SCGB2B2: variants seen among roughly 807,000 people sequenced by gnomAD.
SCGB2B2 encodes the protein secretoglobin-like protein.
A neutral mutation model predicts 7.6 loss-of-function variants in SCGB2B2; 11 were observed. The ratio of observed to expected loss-of-function variants is 1.45; its 90% CI spans 0.91 to 2.40. The LOEUF is 2.40. SCGB2B2 is among the 30% of genes most tolerant of loss of function. The pLI, the probability that SCGB2B2 is intolerant of heterozygous loss-of-function variation, is 0.00. For synonymous variants in SCGB2B2, 50 were observed against 48.6 expected, an observed-to-expected ratio of 1.03 and a Z score of -0.12; for missense variants, 104 against 115.4, an observed-to-expected ratio of 0.90 and a Z score of 0.45.
At chr19:34,636,212 C>T (rs544230224) in intron 1 of SCGB2B2, among the ~76,000 whole-genome samples, 1 of 152,288 alleles carries the variant, frequency 6.6e-6, no homozygotes, top group African/African-American at 2.4e-5. Context: ...CTAGGACTGA[C>T]TTTCGTGGGA....
chr19:34,623,938 T>C (rs1008513149), intron 1 of SCGB2B2, among the ~76,000 whole-genome samples: 15 of 152,176 alleles, frequency 9.9e-5, no homozygotes, highest in African/African-American at 3.6e-4. Flanking sequence ...TCCTCCTGAC[T>C]ATTGAAAGTG....
rs546541304 is a variant in SCGB2B2 at position 34,593,579 on chromosome 19, G to A, written c.267C>T (p.Asn89=). The stretch of plus-strand genomic sequence containing the variant: ...ATCAGAAGGCTGCTTCTATGCAATC[G>A]TTGCTCTGAAGGATCTTCTTCTGTT... The part of the protein sequence containing the change: ...SVVIKKILQS[N]DCIEAAF The change falls in exon 4 of 4, where the codon AAC becomes AAT. Residue 89 remains asparagine, a synonymous_variant. Transcript: ENST00000601241. 81 of 1,553,792 alleles carry A rather than the reference G, an allele frequency of 5.2e-5. No homozygotes were observed. Among genetic ancestry groups the A allele is most frequent in the Middle Eastern group, 1.8e-4 (1 of 5,656 alleles).
intron 1 of SCGB2B2, among the ~76,000 whole-genome samples, chr19:34,671,062 A>G (rs2067790440): frequency 6.6e-6 from 1 of 152,170 alleles, no homozygotes; most frequent in Admixed American, 6.5e-5. Context: ...AGCTGGGATT[A>G]CAGGCACCAC....
chr19:34,675,242 A>G (rs139711625), intron 1 of SCGB2B2, among the ~76,000 whole-genome samples: 1 of 152,364 alleles, frequency 6.6e-6, no homozygotes, highest in East Asian at 1.9e-4. Context: ...AAAACAATTC[A>G]TGATTGTATA....
chr19:34,631,872 G>A (rs772224642), intron 1 of SCGB2B2: 4 of 152,108 alleles, frequency 2.6e-5, no homozygotes, highest in African/African-American at 7.2e-5. Context: ...TACATTGCCT[G>A]ATTTAAAGAC....
intron 1 of SCGB2B2, among the ~76,000 whole-genome samples, chr19:34,615,093 C>G (rs2066034304): frequency 6.6e-6 from 1 of 152,096 alleles, no homozygotes; most frequent in Non-Finnish European, 1.5e-5. Context: ...GGCTTAACCT[C>G]TGGCATGAAG....
Position 34,592,402 on chromosome 19 carries a change from A to G in SCGB2B2, c.*1153T>C, listed in dbSNP as rs1024525080. On this transcript the variant is annotated 3_prime_UTR_variant, in exon 4 of 4. Coordinates refer to ENST00000601241, the MANE Select transcript of SCGB2B2 (RefSeq NM_001025591.4). The stretch of plus-strand genomic sequence containing the variant: ...ATGGAAGGGGAGTGAGGCTGGAGGC[A>G]GGGAGACTCAGAGGGATGGAGGTCT... 6.6e-6 allele frequency among the ~76,000 whole-genome samples: 1 copy of G among 152,092 alleles called. No individual in the cohort carries two copies. The highest frequency in any genetic ancestry group is 2.4e-5 in the African/African-American group (1 of 41,432).
chr19:34,662,308 G>A (rs1030699049), intron 1 of SCGB2B2, among the ~76,000 whole-genome samples: 2 of 151,982 alleles, frequency 1.3e-5, no homozygotes, highest in Non-Finnish European at 2.9e-5. Flanking sequence ...AAAAAGAAAG[G>A]GAGTTCTTAC....
intron 1 of SCGB2B2, among the ~76,000 whole-genome samples, chr19:34,665,350 G>A (rs1568443702): frequency 6.6e-6 from 1 of 152,192 alleles, no homozygotes; most frequent in Non-Finnish European, 1.5e-5. Context: ...AGTCCCAAGT[G>A]AGGCTGAGGT....
intron 1 of SCGB2B2, among the ~76,000 whole-genome samples, chr19:34,618,299 A>C (rs2066145541): frequency 6.6e-6 from 1 of 152,248 alleles, no homozygotes; most frequent in Non-Finnish European, 1.5e-5. Context: ...GTTTGACCAT[A>C]ATGCAAACTT....
intron 1 of SCGB2B2, among the ~76,000 whole-genome samples, chr19:34,622,332 C>G (rs1327338918): frequency 6.6e-6 from 1 of 152,160 alleles, no homozygotes; most frequent in Non-Finnish European, 1.5e-5. Flanking sequence ...TGGTTAAAGC[C>G]TTTTTGAGCC....
chr19:34,604,723 T>C (rs1348741228), intron 1 of SCGB2B2, among the ~76,000 whole-genome samples: 2 of 151,832 alleles, frequency 1.3e-5, no homozygotes, highest in Non-Finnish European at 2.9e-5. Context: ...TACTTTATAC[T>C]CTAATACATG....
intron 1 of SCGB2B2, chr19:34,640,788 G>A (rs1307215349): frequency 6.6e-6 from 1 of 152,002 alleles, no homozygotes; most frequent in African/African-American, 2.4e-5. Flanking sequence ...GGGTCTCCAG[G>A]TTACTATGAC....
chr19:34,614,540 T>C (rs2066018300), intron 1 of SCGB2B2, among the ~76,000 whole-genome samples: 1 of 152,214 alleles, frequency 6.6e-6, no homozygotes, highest in African/African-American at 2.4e-5. Context: ...TGTGTCTGTA[T>C]TTTCTTTTAT....
At chr19:34,616,393 A>AGAT (rs1412750653) in intron 1 of SCGB2B2, among the ~76,000 whole-genome samples, 2 of 123,518 alleles carry the variant, frequency 1.6e-5, no homozygotes, top group African/African-American at 5.4e-5. Context: ...AACTGGTGTG[A>AGAT]GATGGTATCT....
intron 1 of SCGB2B2, among the ~76,000 whole-genome samples, chr19:34,631,618 C>T (rs1318144040): frequency 2.0e-5 from 3 of 151,936 alleles, no homozygotes; most frequent in African/African-American, 7.2e-5. Context: ...AATTAAAGAT[C>T]TAAATAAAGG....
chr19:34,669,621 C>G (rs2067743492), intron 1 of SCGB2B2, among the ~76,000 whole-genome samples: 1 of 151,208 alleles, frequency 6.6e-6, no homozygotes, highest in Non-Finnish European at 1.5e-5. Context: ...CAACCCATCC[C>G]ACTGCATGCT....
At chr19:34,596,706 G>C (rs1310369025) in intron 1 of SCGB2B2, 112 bp from the exon 2 acceptor site, 1 of 152,364 alleles carries the variant, frequency 6.6e-6, no homozygotes, top group Non-Finnish European at 1.5e-5. Flanking sequence ...AGGGGGAAAA[G>C]CCAGGTACAG....
In SCGB2B2 at chr19:34,594,642, C is replaced by T; in HGVS notation, c.-79G>A. On this transcript the variant is annotated 5_prime_UTR_variant, in exon 2 of 4. It adds an upstream start codon to the 5' untranslated region. Coordinates refer to ENST00000601241, the MANE Select transcript of SCGB2B2 (RefSeq NM_001025591.4). The stretch of plus-strand genomic sequence containing the variant: ...GCTTTATGTATATCTGAACAAGGCA[C>T]ATGCCTCTTCGTGTGTGTGTGTGTG... The T allele has an allele frequency of 9.6e-7, 1 of 1,041,114 alleles. No individual in the cohort carries two copies. Among genetic ancestry groups the T allele is most frequent in the Non-Finnish European group, 1.5e-6 (1 of 672,760 alleles). 64.5% of individuals were successfully genotyped at this position (1,041,114 alleles called of 1,614,324 possible).
Sources: allele counts gnomAD v4.1 joint callset (sites outside exome capture counted in the v4.1 genomes callset), GRCh38; gene constraint gnomAD v4.1.1; transcripts MANE v1.5; gene names NCBI Gene and HGNC (gene_info 2026-07-23, HGNC 2026-07-21).